ESRRG: variants seen among roughly 807,000 people sequenced by gnomAD.
ESRRG encodes the protein estrogen related receptor gamma.
In ESRRG, 13 loss-of-function variants were observed where a neutral mutation model predicts 44.0. The observed-to-expected ratio is 0.30, with a 90% confidence interval of 0.19 to 0.47. ESRRG has a LOEUF of 0.47. Ranked by LOEUF, ESRRG falls within the 20% of genes least tolerant of loss-of-function variation. The pLI is 1.00. For missense variants in ESRRG, 395 were observed against 580.6 expected (o/e 0.68, Z 3.29); for synonymous variants, 215 against 214.6 (o/e 1.00, Z -0.02).
At chr1:216,896,890 G>GT (rs908185327) in intron 2 of ESRRG, among the ~76,000 whole-genome samples, 12 of 152,240 alleles carry the variant, frequency 7.9e-5, no homozygotes, top group African/African-American at 2.9e-4. Context: ...AAGCAGCAGC[G>GT]TATTTCCTGG....
rs551393167 is a variant in ESRRG at position 217,122,913 on chromosome 1, G to A, written c.-230+14754C>T. ...TTGGTCAGGCTGGTCTCGAACTCCC[G>A]ACCTCAGACCTCAGGTTATCCGCCT... is the stretch of plus-strand genomic sequence containing the variant. On this transcript the variant is annotated intron_variant, in intron 1 of 8. Coordinates refer to the ESRRG transcript ENST00000366940. Among the ~76,000 whole-genome samples, 99 of 151,732 alleles carry A rather than the reference G, an allele frequency of 6.5e-4. 1 individual carries two copies. Among genetic ancestry groups the A allele is most frequent in the South Asian group, 4.8e-3 (23 of 4,790 alleles).
chr1:216,700,574 G>A (rs1233402813), intron 1 of ESRRG, among the ~76,000 whole-genome samples: 2 of 152,088 alleles, frequency 1.3e-5, no homozygotes, highest in South Asian at 2.1e-4. Context: ...AACAAGGTTC[G>A]TAAAGGCCTC....
Position 216,736,130 on chromosome 1 carries a change from C to T in ESRRG, c.-13-58639G>A, listed in dbSNP as rs545225153. ...GGTATTAATGAGTAACCTTTCTAGA[C>T]CCTATGATCCATCCAAAATATGGTG... is the stretch of plus-strand genomic sequence containing the variant. On this transcript the variant is annotated intron_variant, in intron 2 of 7. Coordinates refer to the ESRRG transcript ENST00000359162. Among the ~76,000 whole-genome samples the T allele has an allele frequency of 4.4e-4, 67 of 150,588 alleles. 1 individual carries two copies. The South Asian group carries it at 0.014, about 31-fold the overall frequency.
intron 1 of ESRRG, among the ~76,000 whole-genome samples, chr1:216,961,568 T>TA (rs1221678421): frequency 6.6e-6 from 1 of 151,684 alleles, no homozygotes; most frequent in African/African-American, 2.4e-5. Flanking sequence ...CTTATTTTTT[T>TA]TTTTTTTTTG....
intron 1 of ESRRG, among the ~76,000 whole-genome samples, chr1:217,080,966 C>T (rs921322642): frequency 1.3e-5 from 2 of 151,858 alleles, no homozygotes; most frequent in South Asian, 2.1e-4. Flanking sequence ...CGTGAGCCAC[C>T]GCGCCTGACC....
At chr1:217,126,352 C>G (rs995388499) in intron 1 of ESRRG, among the ~76,000 whole-genome samples, 1 of 152,142 alleles carries the variant, frequency 6.6e-6, no homozygotes, top group Non-Finnish European at 1.5e-5. Context: ...TTTCAACATT[C>G]TATAATATTA....
At chr1:216,698,518 CAAAAAAAAAA>C (rs34454248) in intron 1 of ESRRG, among the ~76,000 whole-genome samples, 5 of 73,918 alleles carry the variant, frequency 6.8e-5, no homozygotes, top group African/African-American at 1.8e-4. Context: ...GACTCAGTCT[CAAAAAAAAAA>C]AAAAAAAAAA....
At chr1:216,887,185 A>G (rs1257455808) in intron 2 of ESRRG, among the ~76,000 whole-genome samples, 1 of 152,030 alleles carries the variant, frequency 6.6e-6, no homozygotes, top group Non-Finnish European at 1.5e-5. Context: ...AGAGTTTCCA[A>G]CTCTGTTCTG....
chr1:217,119,102 G>A (rs1315173930), intron 1 of ESRRG, among the ~76,000 whole-genome samples: 1 of 152,140 alleles, frequency 6.6e-6, no homozygotes, highest in Non-Finnish European at 1.5e-5. Flanking sequence ...AATAAAGAAT[G>A]ATGTATCCAA....
intron 6 of ESRRG, among the ~76,000 whole-genome samples, chr1:216,510,873 C>T (rs2042532496): frequency 6.8e-6 from 1 of 147,134 alleles, no homozygotes; most frequent in Non-Finnish European, 1.5e-5. Context: ...GACTCCGTCT[C>T]AAAAAAAAAA....
intron 2 of ESRRG, among the ~76,000 whole-genome samples, chr1:216,908,495 T>C (rs560677744): frequency 2.9e-4 from 44 of 152,294 alleles, no homozygotes; most frequent in African/African-American, 1.1e-3. Context: ...CCAAATCAAT[T>C]GTCTATTTCC....
At chr1:216,774,627 G>C (rs2093522601) in intron 2 of ESRRG, among the ~76,000 whole-genome samples, 1 of 151,986 alleles carries the variant, frequency 6.6e-6, no homozygotes, top group Admixed American at 6.6e-5. Context: ...AGACTTTGAA[G>C]TAAACAAAAA....
chr1:216,693,062 GC>G (rs755736468), intron 1 of ESRRG, among the ~76,000 whole-genome samples: 28 of 152,208 alleles, frequency 1.8e-4, no homozygotes, highest in Non-Finnish European at 1.5e-4. Flanking sequence ...TTTTCACACT[GC>G]TTTTCCTTCT....
chr1:216,532,990 G>C (rs531035613), intron 5 of ESRRG, among the ~76,000 whole-genome samples: 1 of 152,092 alleles, frequency 6.6e-6, no homozygotes, highest in Non-Finnish European at 1.5e-5. Context: ...ATGGATGAAA[G>C]CTCGGGATAC....
intron 2 of ESRRG, among the ~76,000 whole-genome samples, chr1:216,867,483 G>A (rs1389039665): frequency 2.6e-5 from 4 of 152,134 alleles, no homozygotes; most frequent in African/African-American, 9.7e-5. Context: ...AATTTGCGTA[G>A]GGGATATTTA....
chr1:216,865,713 G>C (rs1161222058), intron 2 of ESRRG, among the ~76,000 whole-genome samples: 1 of 152,126 alleles, frequency 6.6e-6, no homozygotes, highest in Non-Finnish European at 1.5e-5. Flanking sequence ...TTCACCCCTT[G>C]ACTAATAATG....
rs529261470 is a variant in ESRRG at position 217,047,846 on chromosome 1, C to T, written c.-106+41661G>A. ...ATAGTTAAGTGCTTTGGCTTTTATA[C>T]CAGATTGTGTGTTTGACTATAGGCC... is the stretch of plus-strand genomic sequence containing the variant. On this transcript the variant is annotated intron_variant, in intron 1 of 7. Coordinates refer to the ESRRG transcript ENST00000359162. Among the ~76,000 whole-genome samples the T allele has an allele frequency of 3.0e-4, 46 of 152,170 alleles. 2 individuals are homozygous for T. In the South Asian group the frequency reaches 8.9e-3, roughly 30 times the overall value.
intron 1 of ESRRG, among the ~76,000 whole-genome samples, chr1:216,717,406 A>G (rs888003933): frequency 2.0e-5 from 3 of 151,870 alleles, no homozygotes; most frequent in African/African-American, 7.2e-5. Context: ...AATGAACTTG[A>G]AACAAGAATA....
intron 1 of ESRRG, among the ~76,000 whole-genome samples, chr1:217,105,178 C>T (rs908934935): frequency 4.6e-5 from 7 of 152,150 alleles, no homozygotes; most frequent in Non-Finnish European, 8.8e-5. Context: ...TTCCTTTGGC[C>T]TTGTGGTGAC....
Sources: gnomAD v4.1 joint callset for allele counts (sites outside exome capture counted in the v4.1 genomes callset) on GRCh38, gnomAD v4.1.1 for gene constraint, MANE v1.5 for transcripts, NCBI Gene and HGNC (gene_info 2026-07-23, HGNC 2026-07-21) for gene names.